RNF121: variants seen among roughly 807,000 people sequenced by gnomAD.
RNF121 encodes ring finger protein 121.
In RNF121, 21 loss-of-function variants were observed where a neutral mutation model predicts 46.5. The observed-to-expected ratio is 0.45, with a 90% CI of 0.32 to 0.65. The LOEUF (loss-of-function observed/expected upper bound fraction) is 0.65. Among genes scored for constraint, RNF121 ranks in the 30% least tolerant of loss-of-function variants. The pLI is 0.04. For missense variants in RNF121, 346 were observed against 416.0 expected (o/e 0.83, Z 1.46); for synonymous variants, 139 against 144.7 (o/e 0.96, Z 0.28).
chr11:71,955,980 G>C (rs1953982040), intron 1 of RNF121, among the ~76,000 whole-genome samples: 1 of 152,162 alleles, frequency 6.6e-6, no homozygotes, highest in South Asian at 2.1e-4. Context: ...TTTTGACTTA[G>C]CTGGGAGATG....
At position 71,982,816 on chromosome 11, in the gene RNF121, A is replaced by G. The variant is rs779942557; in HGVS notation, c.299A>G (p.His100Arg). 1.5e-5 allele frequency: 24 copies of G among 1,613,748 alleles called. 1 individual carries two copies. The South Asian group carries it at 2.6e-4, about 18-fold the overall frequency. Reference sequence around the variant, plus strand: ...CCCCTCTATTTCACAGTGAAGCTGCACTGGTGGAGGTTCCTAGTGATCTGG... The same window carrying G: ...CCCCTCTATTTCACAGTGAAGCTGCGCTGGTGGAGGTTCCTAGTGATCTGG... ...VVPLYFTVKLHWWRFLVIWIL... is the reference protein window; with the variant it reads ...VVPLYFTVKLRWWRFLVIWIL... The change falls in exon 4 of 9, where the codon CAC (histidine) becomes CGC (arginine). Residue 100 changes from histidine (H) to arginine (R), a missense_variant. Physicochemically the swap from His to Arg is conservative, Grantham distance 29. Coordinates refer to ENST00000361756, the MANE Select transcript of RNF121 (RefSeq NM_018320.5).
chr11:71,949,560 A>G (rs1953812307), intron 1 of RNF121, among the ~76,000 whole-genome samples: 2 of 150,132 alleles, frequency 1.3e-5, no homozygotes, highest in South Asian at 4.2e-4. Flanking sequence ...TACTAAAACT[A>G]CAAAAATTAG....
At chr11:71,933,369 G>A (rs1953322266) in intron 1 of RNF121, among the ~76,000 whole-genome samples, 1 of 152,158 alleles carries the variant, frequency 6.6e-6, no homozygotes, top group African/African-American at 2.4e-5. Context: ...AGGTATCCCA[G>A]CCTGCAGCTA....
At chr11:71,986,217 G>C (rs1488289335) in intron 4 of RNF121, among the ~76,000 whole-genome samples, 2 of 152,164 alleles carry the variant, frequency 1.3e-5, no homozygotes, top group Admixed American at 6.5e-5. Flanking sequence ...TTGGCCTGTG[G>C]ATAGGAGCAA....
chr11:71,971,227 T>TA (rs796973743), intron 3 of RNF121, among the ~76,000 whole-genome samples: 23 of 151,780 alleles, frequency 1.5e-4, no homozygotes, highest in African/African-American at 5.3e-4. Context: ...CTACAAAAAA[T>TA]AAAAAAATTA....
At chr11:71,948,372 C>T (rs1205042959) in intron 1 of RNF121, among the ~76,000 whole-genome samples, 2 of 151,742 alleles carry the variant, frequency 1.3e-5, no homozygotes, top group African/African-American at 2.4e-5. Flanking sequence ...AAAAATTAGC[C>T]GGGCGTGGTG....
intron 2 of RNF121, among the ~76,000 whole-genome samples, chr11:71,959,946 T>C (rs534202742): frequency 2.0e-5 from 3 of 152,180 alleles, no homozygotes; most frequent in Non-Finnish European, 4.4e-5. Flanking sequence ...TCTAATTCCT[T>C]TCTCATTCCT....
At chr11:71,971,115 G>A (rs1459822394) in intron 3 of RNF121, among the ~76,000 whole-genome samples, 2 of 152,200 alleles carry the variant, frequency 1.3e-5, no homozygotes, top group Non-Finnish European at 2.9e-5. Context: ...TGGGTGTGGT[G>A]ACTCATGCCT....
At chr11:71,956,224 A>G in intron 1 of RNF121, among the ~76,000 whole-genome samples, 1 of 152,196 alleles carries the variant, frequency 6.6e-6, no homozygotes. Flanking sequence ...GAGTATTTCT[A>G]AGGCCTTGTC....
rs1439211424 is a variant in RNF121 at position 71,935,845 on chromosome 11, TC to T, written c.63+6722del. Among the ~76,000 whole-genome samples, 75 of 148,698 alleles carry T rather than the reference TC, an allele frequency of 5.0e-4. 1 individual carries two copies. Among genetic ancestry groups the T allele is most frequent in the Middle Eastern group, 7.1e-3 (2 of 282 alleles). Reference sequence around the variant, plus strand: ...ATGAATGAAGACATAATATTCTTTTTCTTTTTTTTTTTTTTTTTTTTTGAGA... The same window carrying T: ...ATGAATGAAGACATAATATTCTTTTTTTTTTTTTTTTTTTTTTTTTTGAGA... On this transcript the variant is annotated intron_variant, in intron 1 of 8. Transcript: ENST00000361756.
At position 71,996,862 on chromosome 11, in the gene RNF121, A is replaced by C. The variant is rs1343758996; in HGVS notation, c.*547A>C. On this transcript the variant is annotated 3_prime_UTR_variant, in exon 9 of 9. Coordinates refer to ENST00000361756, the MANE Select transcript of RNF121 (RefSeq NM_018320.5). Reference sequence around the variant, plus strand: ...GGACACAGGACAGGTGTTGCGTCTGACTCTGTCTCCCCCTGTCCAAGAGCT... The same window carrying C: ...GGACACAGGACAGGTGTTGCGTCTGCCTCTGTCTCCCCCTGTCCAAGAGCT... 3 of 153,198 alleles carry C rather than the reference A, an allele frequency of 2.0e-5. No homozygotes were observed. In the East Asian group the frequency reaches 5.8e-4, roughly 30 times the overall value. 9.5% of individuals were successfully genotyped at this position (153,198 alleles called of 1,614,324 possible). A position where few individuals can be genotyped will look rare whatever the true frequency, so the allele number is the denominator to read the frequency against.
At chr11:71,934,300 C>A (rs1484379707) in intron 1 of RNF121, among the ~76,000 whole-genome samples, 1 of 152,194 alleles carries the variant, frequency 6.6e-6, no homozygotes, top group Admixed American at 6.5e-5. Context: ...TCAGAAAGTT[C>A]ACAGACTGGT....
At chr11:71,931,211 G>A (rs1953270626) in intron 1 of RNF121, among the ~76,000 whole-genome samples, 1 of 152,144 alleles carries the variant, frequency 6.6e-6, no homozygotes, top group Non-Finnish European at 1.5e-5. Context: ...GGACTTGAGA[G>A]CGTCTAGTAG....
intron 6 of RNF121, among the ~76,000 whole-genome samples, chr11:71,993,912 C>T (rs1954916737): frequency 6.7e-6 from 1 of 149,448 alleles, no homozygotes; most frequent in Admixed American, 6.7e-5. Flanking sequence ...GCGATCTCGG[C>T]TCACTGCAAG....
At chr11:71,980,977 T>G (rs909903153) in intron 3 of RNF121, among the ~76,000 whole-genome samples, 1 of 152,208 alleles carries the variant, frequency 6.6e-6, no homozygotes. Context: ...ACTAGAAGAT[T>G]TTAAACTATG....
At chr11:71,942,370 A>G (rs1391378761) in intron 1 of RNF121, among the ~76,000 whole-genome samples, 1 of 152,176 alleles carries the variant, frequency 6.6e-6, no homozygotes, top group Non-Finnish European at 1.5e-5. Context: ...TTATGGTAAT[A>G]GTCCATATGG....
intron 2 of RNF121, 81 bp downstream of exon 2, chr11:71,957,345 G>A: frequency 1.0e-6 from 1 of 957,084 alleles, no homozygotes; most frequent in Non-Finnish European, 1.7e-6. Context: ...TACCCATTTT[G>A]CTTTCTTGTC....
intron 5 of RNF121, among the ~76,000 whole-genome samples, chr11:71,988,402 C>A (rs941884075): frequency 3.3e-5 from 5 of 152,070 alleles, no homozygotes; most frequent in African/African-American, 1.2e-4. Context: ...AGCTAGAGAT[C>A]TAGGATTCAA....
chr11:71,991,867 G>A (rs1049015963), intron 6 of RNF121, among the ~76,000 whole-genome samples: 4 of 151,978 alleles, frequency 2.6e-5, no homozygotes, highest in Non-Finnish European at 5.9e-5. Context: ...CACTTTGGGA[G>A]GCTGAGGCAG....
Sources: allele counts gnomAD v4.1 joint callset (sites outside exome capture counted in the v4.1 genomes callset), GRCh38; gene constraint gnomAD v4.1.1; transcripts MANE v1.5; gene names NCBI Gene and HGNC (gene_info 2026-07-23, HGNC 2026-07-21).